The following FZR1 variants were observed in gnomAD, a reference collection of about 807,000 sequenced individuals.
FZR1 encodes fizzy and cell division cycle 20 related 1.
A neutral mutation model predicts 63.6 loss-of-function variants in FZR1; 11 were observed. That is an observed-to-expected ratio of 0.17 (90% CI 0.11 to 0.29). FZR1 has a LOEUF of 0.29. FZR1 is among the 10% of genes least tolerant of loss of function. The pLI is 1.00. For missense variants in FZR1, 440 were observed against 687.5 expected (o/e 0.64, Z 4.03); for synonymous variants, 328 against 297.9 (o/e 1.10, Z -1.04).
rs921569709 is a variant in FZR1, at chr19:3,537,392, G to T, written c.*2556G>T. The T allele has an allele frequency of 6.6e-6, 1 of 152,326 alleles. No homozygotes were observed. The highest frequency in any genetic ancestry group is 1.5e-5 in the Non-Finnish European group (1 of 68,106). The allele number at this position is 152,326 out of a possible 1,614,324, so 9.4% of individuals were successfully genotyped here. ...AGTGGTTGGGAGACGCCCAGATGGA[G>T]GGGGAGGCTGACCAAGGGCCCCGCA... is the stretch of plus-strand genomic sequence containing the variant. On this transcript the variant is annotated 3_prime_UTR_variant, in exon 14 of 14. Transcript: ENST00000441788.
In FZR1 at chr19:3,526,419, G is replaced by A; in HGVS notation, c.387+33G>A. The A allele has an allele frequency of 1.3e-6, 2 of 1,532,790 alleles. No homozygotes were observed. The highest frequency in any genetic ancestry group is 8.8e-7 in the Non-Finnish European group (1 of 1,136,174). The allele number at this position is 1,532,790 out of a possible 1,614,324, so 94.9% of individuals were successfully genotyped here. Reference sequence around the variant, plus strand: ...TGCGGCACCCCCCACCCGGGAGCTGGCTCCCAGTGCAGCCTCCCCGGCCCC... The same window carrying A: ...TGCGGCACCCCCCACCCGGGAGCTGACTCCCAGTGCAGCCTCCCCGGCCCC... On this transcript the variant is annotated intron_variant, in intron 5 of 13. Transcript: ENST00000441788. This position sits in a 1 kb window ranked among gnomAD's most constrained non-coding sequence, Gnocchi z 5.4.
Position 3,533,276 on chromosome 19 carries a change from G to A in FZR1, c.1243-18G>A, listed in dbSNP as rs740681. On this transcript the variant is annotated intron_variant, in intron 11 of 13. Coordinates refer to ENST00000441788, the MANE Select transcript of FZR1 (RefSeq NM_016263.4). This position sits in a 1 kb window ranked among gnomAD's most constrained non-coding sequence, Gnocchi z 4.9. ...CTCGTTGCCCCTCACCGACCGCAGC[G>A]CCCCCTCCGCCCTCCAGGTGAGCAC... is the stretch of plus-strand genomic sequence containing the variant. 0.29 allele frequency: 433,241 copies of A among 1,509,360 alleles called. 74,141 individuals carry two copies. Among genetic ancestry groups the A allele is most frequent in the East Asian group, 0.83 (36,788 of 44,342 alleles). 93.5% of individuals were successfully genotyped at this position (1,509,360 alleles called of 1,614,324 possible). A position where few individuals can be genotyped will look rare whatever the true frequency, so the allele number is the denominator to read the frequency against.
rs952230914 is a variant in FZR1 at position 3,515,539 on chromosome 19, C to T, written c.-34-7417C>T. 5.9e-5 allele frequency among the ~76,000 whole-genome samples: 9 copies of T among 152,022 alleles called. No individual in the cohort carries two copies. The highest frequency in any genetic ancestry group is 6.6e-5 in the Admixed American group (1 of 15,252). On this transcript the variant is annotated intron_variant, in intron 1 of 13. Transcript: ENST00000441788. The surrounding 1 kb of genome is among the most constrained non-coding windows in gnomAD (Gnocchi z 4.6). ...ATCCCAGCACTTTGGGAGGCCGAGG[C>T]GGGCGGATCACAAGGTCAGGAGATC...
At position 3,533,046 on chromosome 19, in the gene FZR1, CTGTGGGCCCCGT is replaced by C. The variant is rs2083263824; in HGVS notation, c.1243-246_1243-235del. Among the ~76,000 whole-genome samples, 1 of 152,106 alleles carries C rather than the reference CTGTGGGCCCCGT, an allele frequency of 6.6e-6. No homozygotes were observed. The highest frequency in any genetic ancestry group is 2.4e-5 in the African/African-American group (1 of 41,422). On this transcript the variant is annotated intron_variant, in intron 11 of 13. Transcript: ENST00000441788. This position sits in a 1 kb window ranked among gnomAD's most constrained non-coding sequence, Gnocchi z 4.9. Reference sequence around the variant, plus strand: ...GTGACTTGCAGGTGGGGCAGAGGGGCTGTGGGCCCCGTTTGGGTCCTTGTTGGGCTCCAGCCT... The same window carrying C: ...GTGACTTGCAGGTGGGGCAGAGGGGCTTGGGTCCTTGTTGGGCTCCAGCCT...
At chr19:3,523,308 G>A (rs1301405581) in intron 2 of FZR1, among the ~76,000 whole-genome samples, 3 of 152,234 alleles carry the variant, frequency 2.0e-5, no homozygotes, top group African/African-American at 7.2e-5. Context: ...GAGCTGGGGC[G>A]GCCGCATGGG....
intron 1 of FZR1, among the ~76,000 whole-genome samples, chr19:3,512,651 G>A (rs558372450): frequency 4.6e-5 from 7 of 152,306 alleles, no homozygotes; most frequent in Admixed American, 2.0e-4. Context: ...TGAGGGCCGC[G>A]TGTGCTGGGT....
At position 3,523,054 on chromosome 19, in the gene FZR1, C is replaced by T; in HGVS notation, c.65C>T (p.Pro22Leu). Residue 22 changes from proline (P) to leucine (L), a missense_variant, in exon 2 of 14, where the codon CCA (proline) becomes CTA (leucine). Pro to Leu is a moderately conservative substitution (Grantham distance 98). Transcript: ENST00000441788. ...GTCATCCAGAATGAGAACACGATGCCACGCGTGAGTGCCCCCGCCCTGCCC... is the reference window on the plus strand; with the variant it reads ...GTCATCCAGAATGAGAACACGATGCTACGCGTGAGTGCCCCCGCCCTGCCC... ...QIVIQNENTM[P>L]RVTEMRRTLT... The T allele has an allele frequency of 6.3e-7, 1 of 1,596,454 alleles. No homozygotes were observed. Among genetic ancestry groups the T allele is most frequent in the Non-Finnish European group, 8.6e-7 (1 of 1,165,112 alleles).
At position 3,525,832 on chromosome 19, in the gene FZR1, G is replaced by C. The variant is rs757182205; in HGVS notation, c.70-36G>C. On this transcript the variant is annotated intron_variant, in intron 2 of 13. Coordinates refer to ENST00000441788, the MANE Select transcript of FZR1 (RefSeq NM_016263.4). This position sits in a 1 kb window ranked among gnomAD's most constrained non-coding sequence, Gnocchi z 4.2. ...CTGGGGGCACTCTCGGGGGGCTCTC[G>C]GTGCTGAGAGCAAGCCCTCTGCTGA... The C allele has an allele frequency of 3.7e-6, 6 of 1,600,024 alleles. No homozygotes were observed. The African/African-American group carries it at 6.7e-5, about 18-fold the overall frequency.
At chr19:3,529,092 A>G (rs1437288587) in intron 7 of FZR1, among the ~76,000 whole-genome samples, 59 of 79,078 alleles carry the variant, frequency 7.5e-4, no homozygotes, top group African/African-American at 2.6e-3. Flanking sequence ...ATGGGAGAGC[A>G]GACGGTTGAG....
At chr19:3,527,956 C>G in intron 7 of FZR1, 142 bp downstream of exon 7, 2 of 579,008 alleles carry the variant, frequency 3.5e-6, no homozygotes, top group Non-Finnish European at 5.8e-6. Flanking sequence ...CCCAGCCTCC[C>G]AGCCACAGCC....
At position 3,526,213 on chromosome 19, in the gene FZR1, GC is replaced by G; in HGVS notation, c.259+35del. The G allele has an allele frequency of 1.2e-6, 2 of 1,611,244 alleles. No individual in the cohort carries two copies. The highest frequency in any genetic ancestry group is 8.5e-7 in the Non-Finnish European group (1 of 1,179,656). On this transcript the variant is annotated intron_variant, in intron 4 of 13. Coordinates refer to ENST00000441788, the MANE Select transcript of FZR1 (RefSeq NM_016263.4). The surrounding 1 kb of genome is among the most constrained non-coding windows in gnomAD (Gnocchi z 5.4). ...GGGTCCCAGCCCATCCGCCCTGCAG[GC>G]CCCCACCCTGCCTTGCCCCGCCTCA...
intron 1 of FZR1, among the ~76,000 whole-genome samples, chr19:3,513,230 G>A (rs989565033): frequency 2.0e-5 from 3 of 152,116 alleles, no homozygotes; most frequent in Non-Finnish European, 4.4e-5. Context: ...TGCAGGGGTC[G>A]GGACCTGTGA....
chr19:3,522,150 G>A (rs550615774), intron 1 of FZR1, among the ~76,000 whole-genome samples: 1 of 152,370 alleles, frequency 6.6e-6, no homozygotes, highest in East Asian at 1.9e-4. Flanking sequence ...GCCTTGGGCT[G>A]TGGTTTGCTG....
In FZR1 at chr19:3,525,432, C is replaced by CTTT. The variant is rs57486013; in HGVS notation, c.70-410_70-408dup. Among the ~76,000 whole-genome samples the CTTT allele has an allele frequency of 3.5e-3, 241 of 68,734 alleles. 20 individuals carry two copies. Among genetic ancestry groups the CTTT allele is most frequent in the African/African-American group, 5.6e-3 (92 of 16,540 alleles). The allele number at this position is 68,734 out of a possible 152,430, so 45.1% of individuals were successfully genotyped here. A position where few individuals can be genotyped will look rare whatever the true frequency, so the allele number is the denominator to read the frequency against. On this transcript the variant is annotated intron_variant, in intron 2 of 13. Coordinates refer to ENST00000441788, the MANE Select transcript of FZR1 (RefSeq NM_016263.4). This position sits in a 1 kb window ranked among gnomAD's most constrained non-coding sequence, Gnocchi z 4.2. ...TGTGTGGCTCCCCTCCTTGGGTTTT[C>CTTT]TTTTTTTTTTTTTTTTTTTTTTTTT...
Position 3,514,574 on chromosome 19 carries a change from A to AC in FZR1, c.-35+8105dup, listed in dbSNP as rs1006888273. ...CCCCCTGGGTTATGGGATTCCATGG[A>AC]CCCCCAAGAGACTCTGCGTCCCATG... On this transcript the variant is annotated intron_variant, in intron 1 of 13. Transcript: ENST00000441788. This position sits in a 1 kb window ranked among gnomAD's most constrained non-coding sequence, Gnocchi z 4.2. Among the ~76,000 whole-genome samples the AC allele has an allele frequency of 5.3e-5, 8 of 151,888 alleles. No individual in the cohort carries two copies. Among genetic ancestry groups the AC allele is most frequent in the African/African-American group, 1.2e-4 (5 of 41,342 alleles).
At chr19:3,517,294 G>GC (rs1219062029) in intron 1 of FZR1, among the ~76,000 whole-genome samples, 1 of 152,178 alleles carries the variant, frequency 6.6e-6, no homozygotes, top group Non-Finnish European at 1.5e-5. Flanking sequence ...AGAGGCTGAG[G>GC]CAGGAGGATC....
intron 1 of FZR1, among the ~76,000 whole-genome samples, chr19:3,510,915 C>T (rs2083020127): frequency 6.6e-6 from 1 of 152,238 alleles, no homozygotes; most frequent in South Asian, 2.1e-4. Context: ...CGTTCCGGCC[C>T]AAATGTCCGC....
At chr19:3,507,241 C>T (rs1410891665) in intron 1 of FZR1, among the ~76,000 whole-genome samples, 4 of 151,544 alleles carry the variant, frequency 2.6e-5, no homozygotes, top group Non-Finnish European at 5.9e-5. Context: ...AAGCCCCTCC[C>T]TCCTCCGAAC....
At chr19:3,517,856 CTT>C (rs763347330) in intron 1 of FZR1, among the ~76,000 whole-genome samples, 27 of 137,004 alleles carry the variant, frequency 2.0e-4, no homozygotes, top group South Asian at 2.4e-4. Context: ...AAACAAAGTT[CTT>C]TTTTTTTTTT....
Sources: allele counts gnomAD v4.1 joint callset (sites outside exome capture counted in the v4.1 genomes callset), GRCh38; gene constraint gnomAD v4.1.1; non-coding constraint Gnocchi (gnomAD v3.1); transcripts MANE v1.5; gene names NCBI Gene and HGNC (gene_info 2026-07-23, HGNC 2026-07-21).